Variants in PRDM15 observed in about 807,000 individuals in gnomAD.
The protein encoded by PRDM15 is PR domain zinc finger protein 15.
Under a neutral mutation model 128.6 loss-of-function variants are expected in PRDM15, and 64 were observed. The ratio of observed to expected loss-of-function variants is 0.50; its 90% CI spans 0.41 to 0.61. PRDM15 has a LOEUF of 0.61. PRDM15 is among the 20% of genes least tolerant of loss of function. The pLI is 0.00. For missense variants in PRDM15, 1,242 were observed against 1,569.1 expected (o/e 0.79, Z 3.52); for synonymous variants, 615 against 621.8 (o/e 0.99, Z 0.16).
In PRDM15 at chr21:41,804,502, T is replaced by C; in HGVS notation, c.2733+32A>G. 5.2e-6 allele frequency: 8 copies of C among 1,531,236 alleles called. No individual in the cohort carries two copies. In the South Asian group the frequency reaches 9.6e-5, roughly 18 times the overall value. 94.9% of individuals were successfully genotyped at this position (1,531,236 alleles called of 1,614,324 possible). A position where few individuals can be genotyped will look rare whatever the true frequency, so the allele number is the denominator to read the frequency against. On this transcript the variant is annotated intron_variant, in intron 22 of 23. Coordinates refer to ENST00000398548, the MANE Select transcript of PRDM15 (RefSeq NM_001040424.3). Reference sequence around the variant, plus strand: ...CTGCAGGTGTCCACTTACCCCAAAGTTTCTGAGCCCCTGGGGCCCCATGCT... The same window carrying C: ...CTGCAGGTGTCCACTTACCCCAAAGCTTCTGAGCCCCTGGGGCCCCATGCT...
Position 41,810,317 on chromosome 21 carries a change from C to T in PRDM15, c.2489G>A (p.Trp830Ter). Reference sequence around the variant, plus strand: ...CTTCTTGTCGCACACGGAGCACGTCCACTGCTTGCCCACTTTTCACACACA... The same window carrying T: ...CTTCTTGTCGCACACGGAGCACGTCTACTGCTTGCCCACTTTTCACACACA... ...HKLIHTVGKQ[W>*]TCSVCDKKYV... The change falls in exon 21 of 24, where the codon TGG becomes TAG. Residue 830 changes from tryptophan (W) to a stop codon, truncating the protein, a stop_gained. Coordinates refer to ENST00000398548, the MANE Select transcript of PRDM15 (RefSeq NM_001040424.3). LOFTEE classifies it high-confidence loss of function. The surrounding 1 kb of genome is among the most constrained non-coding windows in gnomAD (Gnocchi z 6.4). 1 of 1,612,898 alleles carries T rather than the reference C, an allele frequency of 6.2e-7. No homozygotes were observed. The highest frequency in any genetic ancestry group is 8.5e-7 in the Non-Finnish European group (1 of 1,179,620).
At chr21:41,870,886 G>A (rs1354584957) in intron 1 of PRDM15, 1 of 152,254 alleles carries the variant, frequency 6.6e-6, no homozygotes, top group Non-Finnish European at 1.5e-5. Context: ...TTTACCAGAT[G>A]AGAGAGACCT....
At chr21:41,861,870 G>C in intron 1 of PRDM15, 3 of 1,578,408 alleles carry the variant, frequency 1.9e-6, no homozygotes, top group Non-Finnish European at 2.6e-6. Flanking sequence ...ACAAGGGGAG[G>C]GGGGTGAAAT....
In PRDM15 at chr21:41,836,617, A is replaced by C; in HGVS notation, c.1034T>G (p.Leu345Arg). The C allele has an allele frequency of 6.2e-7, 1 of 1,612,378 alleles. No homozygotes were observed. The change falls in exon 9 of 24, where the codon CTC becomes CGC. Residue 345 changes from leucine (L) to arginine (R), a missense_variant. By Grantham distance (102) the Leu-to-Arg change is moderately radical. Coordinates refer to ENST00000398548, the MANE Select transcript of PRDM15 (RefSeq NM_001040424.3). Reference protein sequence around the residue: ...FTHHQNNTITLKRSLILSSRH... With the variant: ...FTHHQNNTITRKRSLILSSRH... ...GCTTGAGAGAATTAAGCTCCTCTTGAGCGTGATGGTGTTATTCTGATGATG... is the reference window on the plus strand; with the variant it reads ...GCTTGAGAGAATTAAGCTCCTCTTGCGCGTGATGGTGTTATTCTGATGATG...
intron 21 of PRDM15, among the ~76,000 whole-genome samples, chr21:41,808,035 A>T (rs1265993496): frequency 6.6e-6 from 1 of 152,192 alleles, no homozygotes. Flanking sequence ...TGTCTTTATC[A>T]GTAAGGCCTC....
chr21:41,843,220 T>C (rs1281936310), intron 6 of PRDM15, among the ~76,000 whole-genome samples: 2 of 152,252 alleles, frequency 1.3e-5, no homozygotes, highest in Non-Finnish European at 2.9e-5. Flanking sequence ...CCCGTGTTTA[T>C]ATTACTAATT....
At chr21:41,846,796 TCCTGGCC>T (rs1317730856) in intron 6 of PRDM15, among the ~76,000 whole-genome samples, 3 of 152,306 alleles carry the variant, frequency 2.0e-5, no homozygotes, top group Admixed American at 6.5e-5. Context: ...CACGGCTGGC[TCCTGGCC>T]CCTGGCCCCT....
chr21:41,822,111 C>T (rs768673383), intron 14 of PRDM15, 74 bp from the exon 15 acceptor site: 144 of 1,589,088 alleles, frequency 9.1e-5, no homozygotes, highest in Non-Finnish European at 1.2e-4. Context: ...ACCGCAGGGA[C>T]GACCAATCAT....
At chr21:41,860,432 GT>G (rs1569004433) in intron 1 of PRDM15, 60 bp from the exon 2 acceptor site, 2 of 1,514,012 alleles carry the variant, frequency 1.3e-6, no homozygotes, top group South Asian at 1.1e-5. Context: ...CTTTTGTTTT[GT>G]TTTTGAAATT....
Position 41,862,072 on chromosome 21 carries a change from G to A in PRDM15, c.-9-1700C>T. The A allele has an allele frequency of 1.7e-6, 2 of 1,181,212 alleles. No individual in the cohort carries two copies. Among genetic ancestry groups the A allele is most frequent in the Non-Finnish European group, 2.5e-6 (2 of 799,704 alleles). The allele number at this position is 1,181,212 out of a possible 1,614,324, so 73.2% of individuals were successfully genotyped here. ...GGATGGGGGCTCAGCTGGGCAGTGAGCAGGAGATGAACAGGACAAAGGGCA... is the reference window on the plus strand; with the variant it reads ...GGATGGGGGCTCAGCTGGGCAGTGAACAGGAGATGAACAGGACAAAGGGCA... On this transcript the variant is annotated intron_variant, in intron 1 of 23. Transcript: ENST00000398548. The surrounding 1 kb of genome is among the most constrained non-coding windows in gnomAD (Gnocchi z 4.1).
chr21:41,809,294 G>C (rs539361715), intron 21 of PRDM15, among the ~76,000 whole-genome samples: 1 of 149,876 alleles, frequency 6.7e-6, no homozygotes, highest in Non-Finnish European at 1.5e-5. Flanking sequence ...GTGCAGTGGC[G>C]CAATCTCGGC....
Position 41,826,065 on chromosome 21 carries a change from C to T in PRDM15, c.1535-11G>A. ...TCACTCGCCGCACTCCTGAAATTGC[C>T]AACCCCACCAGCAAGACAGTGAATA... is the stretch of plus-strand genomic sequence containing the variant. On this transcript the variant is annotated splice_polypyrimidine_tract_variant and intron_variant, in intron 12 of 23. Transcript: ENST00000398548. The T allele has an allele frequency of 6.2e-7, 1 of 1,609,158 alleles. No homozygotes were observed. The highest frequency in any genetic ancestry group is 1.3e-5 in the African/African-American group (1 of 74,964).
chr21:41,806,000 CCACCATCACCACCACCAT>C (rs2061560081), intron 21 of PRDM15, among the ~76,000 whole-genome samples: 7 of 76,222 alleles, frequency 9.2e-5, no homozygotes, highest in East Asian at 8.9e-4. Flanking sequence ...ACCACCACCA[CCACCATCACCACCACCAT>C]CACCACCACC....
intron 4 of PRDM15, 108 bp downstream of exon 4, chr21:41,857,068 G>C: frequency 1.0e-6 from 1 of 995,154 alleles, no homozygotes; most frequent in Non-Finnish European, 1.5e-6. Flanking sequence ...AGCTGTTTTT[G>C]AGGCATTTAT....
rs2061646313 is a variant in PRDM15, at chr21:41,806,483, CTACCACCACCATCACCA to C, written c.2653-1886_2653-1870del. Among the ~76,000 whole-genome samples the C allele has an allele frequency of 1.9e-5, 2 of 107,412 alleles. 1 individual carries two copies. The highest frequency in any genetic ancestry group is 7.9e-5 in the African/African-American group (2 of 25,386). 70.5% of individuals were successfully genotyped at this position (107,412 alleles called of 152,430 possible). A position where few individuals can be genotyped will look rare whatever the true frequency, so the allele number is the denominator to read the frequency against. On this transcript the variant is annotated intron_variant, in intron 21 of 23. Coordinates refer to ENST00000398548, the MANE Select transcript of PRDM15 (RefSeq NM_001040424.3). Reference sequence around the variant, plus strand: ...CCATCACCACCAGCACCACCCATTACTACCACCACCATCACCACCATCACCATCACCACCACCATCAC... The same window carrying C: ...CCATCACCACCAGCACCACCCATTACCCATCACCATCACCACCACCATCAC...
chr21:41,879,226 G>C lies in PRDM15; in HGVS notation c.-10+44C>G. 1.2e-6 allele frequency: 1 copy of C among 840,132 alleles called. No homozygotes were observed. 52.0% of individuals were successfully genotyped at this position (840,132 alleles called of 1,614,324 possible). A position where few individuals can be genotyped will look rare whatever the true frequency, so the allele number is the denominator to read the frequency against. ...GCGGGTGCGGCCCGGGGCCGGCGGG[G>C]CGCACGCCGGGGCGGGCGGCGGGCG... On this transcript the variant is annotated intron_variant, in intron 1 of 23. Transcript: ENST00000398548. This position sits in a 1 kb window ranked among gnomAD's most constrained non-coding sequence, Gnocchi z 5.1.
At chr21:41,866,034 C>T (rs1334929048) in intron 1 of PRDM15, among the ~76,000 whole-genome samples, 4 of 152,128 alleles carry the variant, frequency 2.6e-5, no homozygotes. Flanking sequence ...AGACCCCACG[C>T]CCAGCCTCTA....
chr21:41,850,433 G>C (rs1000268871), intron 5 of PRDM15, among the ~76,000 whole-genome samples: 1 of 151,974 alleles, frequency 6.6e-6, no homozygotes, highest in African/African-American at 2.4e-5. Context: ...ATCTTAATGT[G>C]AGCTCAAGAA....
At chr21:41,838,195 A>G (rs911563099) in intron 7 of PRDM15, 132 bp from the exon 8 acceptor site, 2 of 883,882 alleles carry the variant, frequency 2.3e-6, no homozygotes, top group Middle Eastern at 2.3e-4. Flanking sequence ...TGAGGTTTAC[A>G]GAGGGGAAAA....
Sources: gnomAD v4.1 joint callset for allele counts (sites outside exome capture counted in the v4.1 genomes callset) on GRCh38, gnomAD v4.1.1 for gene constraint, Gnocchi (gnomAD v3.1) non-coding constraint, MANE v1.5 for transcripts, NCBI Gene and HGNC (gene_info 2026-07-23, HGNC 2026-07-21) for gene names.